Variants in MASTL observed in about 807,000 individuals in gnomAD.
The protein encoded by MASTL is serine/threonine-protein kinase greatwall.
In MASTL, 54 loss-of-function variants were observed where a neutral mutation model predicts 82.5. The observed-to-expected ratio is 0.65, with a 90% CI of 0.53 to 0.82. The LOEUF is 0.82. Ranked by LOEUF, MASTL falls within the 40% of genes least tolerant of loss-of-function variation. The pLI is 0.00. For synonymous variants in MASTL, 323 were observed against 368.9 expected (o/e 0.88, Z 1.43); for missense variants, 950 against 1,047.8 (o/e 0.91, Z 1.29).
At chr10:27,184,554 ATTTTTTTTTTTT>A (rs752147433) in intron 11 of MASTL, among the ~76,000 whole-genome samples, 1 of 84,848 alleles carries the variant, frequency 1.2e-5, no homozygotes, top group African/African-American at 4.7e-5. Context: ...TATAAGAAGG[ATTTTTTTTTTTT>A]TTTTTTTTTT....
intron 4 of MASTL, 136 bp from the exon 5 acceptor site, chr10:27,164,928 G>T (rs1339787460): frequency 1.5e-6 from 1 of 655,288 alleles, no homozygotes; most frequent in Admixed American, 2.3e-5. Flanking sequence ...GTGAGCCACC[G>T]TGCCCAGCCA....
At chr10:27,171,921 C>T (rs758890008) in intron 8 of MASTL, among the ~76,000 whole-genome samples, 19 of 150,380 alleles carry the variant, frequency 1.3e-4, no homozygotes, top group Admixed American at 8.0e-4. Flanking sequence ...CTCCGCCTCC[C>T]GGGTTCAAGC....
chr10:27,186,230 C>G, intron 11 of MASTL, 149 bp from the exon 12 acceptor site: 1 of 821,012 alleles, frequency 1.2e-6, no homozygotes, highest in Admixed American at 2.0e-5. Flanking sequence ...AGTATGTGGC[C>G]TAACAGACAT....
chr10:27,167,390 G>A, intron 7 of MASTL, 116 bp downstream of exon 7: 1 of 835,096 alleles, frequency 1.2e-6, no homozygotes, highest in Non-Finnish European at 1.9e-6. Context: ...ATGAATGGCA[G>A]TCATAGTATT....
At chr10:27,183,011 A>G (rs1390039084) in intron 11 of MASTL, among the ~76,000 whole-genome samples, 2 of 152,124 alleles carry the variant, frequency 1.3e-5, no homozygotes, top group Admixed American at 6.6e-5. Context: ...AATACAGGAA[A>G]TCTTTTTTTA....
At position 27,184,734 on chromosome 10, in the gene MASTL, T is replaced by C. The variant is rs540316495; in HGVS notation, c.2483-1645T>C. ...TCCCACCACACCTGGCTAATTTTTG[T>C]ATTTTTAGTAGAGACGGGGTTTCAC... On this transcript the variant is annotated intron_variant, in intron 11 of 11. Coordinates refer to ENST00000375940, the MANE Select transcript of MASTL (RefSeq NM_001172303.3). Among the ~76,000 whole-genome samples the C allele has an allele frequency of 2.0e-4, 30 of 152,030 alleles. No individual in the cohort carries two copies. In the East Asian group the frequency reaches 5.6e-3, roughly 28 times the overall value.
At chr10:27,156,069 A>G (rs1174177072) in intron 1 of MASTL, among the ~76,000 whole-genome samples, 1 of 151,340 alleles carries the variant, frequency 6.6e-6, no homozygotes, top group Non-Finnish European at 1.5e-5. Context: ...CAGTGGCGCA[A>G]TCTCGACTCA....
rs766690136 is a variant in MASTL, at chr10:27,186,387, C to T, written c.2491C>T (p.Arg831Cys). The change falls in exon 12 of 12, where the codon CGT (arginine) becomes TGT (cysteine). Residue 831 changes from arginine to cysteine, a missense_variant. Transcript: ENST00000375940. ...TKRAGMKELK[R>C]HPLFSDVDWE... is the part of the protein sequence containing the mutation. ...TTTATATTTTTCCTAAGAGCTAAAA[C>T]GTCATCCTCTCTTCAGTGATGTGGA... is the stretch of plus-strand genomic sequence containing the variant. The T allele has an allele frequency of 9.9e-6, 16 of 1,613,902 alleles. No individual in the cohort carries two copies. The highest frequency in any genetic ancestry group is 5.3e-5 in the African/African-American group (4 of 74,894).
At chr10:27,177,948 T>C in intron 9 of MASTL, 1 of 196,058 alleles carries the variant, frequency 5.1e-6, no homozygotes, top group Non-Finnish European at 9.3e-6. Flanking sequence ...TGAACCGTCT[T>C]CTGTTTTCTG....
rs372717310 is a variant in MASTL at position 27,168,809 on chromosome 10, CA to C, written c.985-1126del. Among the ~76,000 whole-genome samples, 501 of 150,374 alleles carry C rather than the reference CA, an allele frequency of 3.3e-3. 2 individuals are homozygous for C. The highest frequency in any genetic ancestry group is 0.012 in the African/African-American group (475 of 41,094). On this transcript the variant is annotated intron_variant, in intron 7 of 11. Coordinates refer to ENST00000375940, the MANE Select transcript of MASTL (RefSeq NM_001172303.3). ...TGGGCAACGAGCAAAACTCCATCTT[CA>C]AAAAAAAATATCCTTTTTGCTTGAG...
chr10:27,185,651 G>A (rs1253066647), intron 11 of MASTL, among the ~76,000 whole-genome samples: 1 of 150,616 alleles, frequency 6.6e-6, no homozygotes, highest in Non-Finnish European at 1.5e-5. Context: ...AGCCAGGCAT[G>A]GTAGCACTCA....
chr10:27,186,470 A>G lies in MASTL; in HGVS notation c.2574A>G (p.Thr858=), dbSNP rs200773075. The part of the protein sequence containing the change: ...MPFIPQPDDE[T]DTSYFEARNT... ...TCATCCCCCAGCCAGATGATGAAAC[A>G]GATACCTCCTATTTTGAAGCCAGGA... Residue 858 remains threonine, a synonymous_variant, in exon 12 of 12, where the codon ACA becomes ACG. Transcript: ENST00000375940. 1.2e-6 allele frequency: 2 copies of G among 1,614,034 alleles called. No homozygotes were observed. Among genetic ancestry groups the G allele is most frequent in the African/African-American group, 2.7e-5 (2 of 74,946 alleles).
chr10:27,186,768 T>C lies in MASTL; in HGVS notation c.*232T>C. 2.0e-6 allele frequency: 1 copy of C among 509,836 alleles called. No individual in the cohort carries two copies. Among genetic ancestry groups the C allele is most frequent in the Non-Finnish European group, 3.5e-6 (1 of 283,294 alleles). The allele number at this position is 509,836 out of a possible 1,614,324, so 31.6% of individuals were successfully genotyped here. A position where few individuals can be genotyped will look rare whatever the true frequency, so the allele number is the denominator to read the frequency against. On this transcript the variant is annotated 3_prime_UTR_variant, in exon 12 of 12. Coordinates refer to ENST00000375940, the MANE Select transcript of MASTL (RefSeq NM_001172303.3). Reference sequence around the variant, plus strand: ...AATCTTCAAAGCTTTTTTCATTTATTTATTTTGTTTATTGCACTTTATGAA... The same window carrying C: ...AATCTTCAAAGCTTTTTTCATTTATCTATTTTGTTTATTGCACTTTATGAA...
Position 27,161,233 on chromosome 10 carries a change from C to A in MASTL, c.553+51C>A, listed in dbSNP as rs749877799. The A allele has an allele frequency of 2.8e-6, 3 of 1,062,626 alleles. No individual in the cohort carries two copies. The South Asian group carries it at 3.8e-5, about 13-fold the overall frequency. The allele number at this position is 1,062,626 out of a possible 1,614,324, so 65.8% of individuals were successfully genotyped here. A position where few individuals can be genotyped will look rare whatever the true frequency, so the allele number is the denominator to read the frequency against. On this transcript the variant is annotated intron_variant, in intron 4 of 11. Coordinates refer to ENST00000375940, the MANE Select transcript of MASTL (RefSeq NM_001172303.3). ...TTTTTAAAACATCCAACAGGCCAGG[C>A]GTGGTGGCTCACACCTGTAATCCCA... is the stretch of plus-strand genomic sequence containing the variant.
chr10:27,156,672 G>A (rs940964989), intron 1 of MASTL, among the ~76,000 whole-genome samples: 1 of 149,592 alleles, frequency 6.7e-6, no homozygotes, highest in Admixed American at 6.7e-5. Flanking sequence ...GCTGATTTGT[G>A]TAGTTTTTTT....
chr10:27,158,821 C>T (rs2057477414), intron 2 of MASTL, 135 bp downstream of exon 2: 1 of 884,102 alleles, frequency 1.1e-6, no homozygotes, highest in Non-Finnish European at 1.9e-6. Context: ...GCAAATTTAC[C>T]TGTTATATTA....
At chr10:27,183,322 C>G (rs1026282741) in intron 11 of MASTL, among the ~76,000 whole-genome samples, 2 of 152,036 alleles carry the variant, frequency 1.3e-5, no homozygotes, top group East Asian at 3.9e-4. Flanking sequence ...GCTCTGTCAC[C>G]AGGCTGCAGT....
At chr10:27,156,416 C>T (rs1436084906) in intron 1 of MASTL, among the ~76,000 whole-genome samples, 1 of 152,190 alleles carries the variant, frequency 6.6e-6, no homozygotes, top group East Asian at 1.9e-4. Flanking sequence ...ATTTTTCTAC[C>T]ACAGAAGAGT....
chr10:27,179,755 C>T (rs1459433487), intron 9 of MASTL, among the ~76,000 whole-genome samples: 1 of 152,162 alleles, frequency 6.6e-6, no homozygotes, highest in East Asian at 1.9e-4. Flanking sequence ...TTAAAATACT[C>T]TGTAATTAAG....
Sources: allele counts gnomAD v4.1 joint callset (sites outside exome capture counted in the v4.1 genomes callset), GRCh38; gene constraint gnomAD v4.1.1; transcripts MANE v1.5; gene names NCBI Gene and HGNC (gene_info 2026-07-23, HGNC 2026-07-21).